Variants in PRELID2 observed in about 807,000 individuals in gnomAD.
The protein encoded by PRELID2 is PRELI domain-containing protein 2.
Under a neutral mutation model 28.4 loss-of-function variants are expected in PRELID2, and 25 were observed. The observed-to-expected ratio is 0.88, with a 90% confidence interval of 0.64 to 1.23. The LOEUF (loss-of-function observed/expected upper bound fraction) is 1.23. Ranked by LOEUF, PRELID2 falls within the 50% of genes most tolerant of loss-of-function variation. The probability of loss-of-function intolerance (pLI) is 0.00; values close to 1 mark genes in which losing one functional copy is unlikely to be tolerated. For missense variants in PRELID2, 201 were observed against 214.4 expected, an observed-to-expected ratio of 0.94 and a Z score of 0.39; for synonymous variants, 76 against 71.6, an observed-to-expected ratio of 1.06 and a Z score of -0.31.
the PRELID2 span, among the ~76,000 whole-genome samples, chr5:145,389,832 G>A: frequency 6.6e-6 from 1 of 152,134 alleles, no homozygotes; most frequent in Non-Finnish European, 1.5e-5. Flanking sequence ...TGCCACAGGG[G>A]TTCACACTTA....
the PRELID2 span, among the ~76,000 whole-genome samples, chr5:145,423,469 A>C: frequency 1.3e-5 from 2 of 151,692 alleles, no homozygotes; most frequent in African/African-American, 2.4e-5. Context: ...TTCCCTTCTC[A>C]CTTCATTTCA....
chr5:145,367,050 C>G, the PRELID2 span, among the ~76,000 whole-genome samples: 1 of 151,840 alleles, frequency 6.6e-6, no homozygotes, highest in Non-Finnish European at 1.5e-5. Context: ...TCCAGTCACA[C>G]AGGATAATTA....
the PRELID2 span, among the ~76,000 whole-genome samples, chr5:145,307,425 G>C: frequency 2.6e-5 from 4 of 152,276 alleles, no homozygotes; most frequent in East Asian, 7.7e-4. Flanking sequence ...GATTACACTT[G>C]TTGAAGACCT....
the PRELID2 span, among the ~76,000 whole-genome samples, chr5:145,419,313 C>T: frequency 7.6e-6 from 1 of 131,376 alleles, no homozygotes; most frequent in African/African-American, 2.8e-5. Context: ...ACACTGACTT[C>T]CACAAGGGTT....
At chr5:145,313,493 C>T in the PRELID2 span, among the ~76,000 whole-genome samples, 36 of 152,244 alleles carry the variant, frequency 2.4e-4, no homozygotes, top group African/African-American at 6.7e-4. Flanking sequence ...TAGAATATGC[C>T]ATTTGGCAAA....
At chr5:145,408,539 T>A in the PRELID2 span, among the ~76,000 whole-genome samples, 1 of 149,104 alleles carries the variant, frequency 6.7e-6, no homozygotes, top group Non-Finnish European at 1.5e-5. Context: ...GAAAAGACAA[T>A]CACAACTTCT....
the PRELID2 span, among the ~76,000 whole-genome samples, chr5:145,253,943 TA>T: frequency 1.3e-5 from 2 of 152,032 alleles, no homozygotes; most frequent in Admixed American, 6.6e-5. Flanking sequence ...CTTAATTTCC[TA>T]AAAAAGAAGA....
chr5:145,775,352 T>C (rs1758347274), intron 5 of PRELID2, among the ~76,000 whole-genome samples: 1 of 152,184 alleles, frequency 6.6e-6, no homozygotes, highest in Admixed American at 6.5e-5. Context: ...TTTCTCAAAT[T>C]ACCAAAAAAT....
At chr5:145,470,040 G>A (rs1218240377), downstream of PRELID2, among the ~76,000 whole-genome samples, 2 of 152,092 alleles carry the variant, frequency 1.3e-5, no homozygotes, top group African/African-American at 4.8e-5. Flanking sequence ...TTAATCACCC[G>A]AAGGGGAAAA....
intron 1 of PRELID2, among the ~76,000 whole-genome samples, chr5:145,720,715 A>C (rs962854471): frequency 2.0e-5 from 3 of 152,042 alleles, no homozygotes; most frequent in Non-Finnish European, 4.4e-5. Flanking sequence ...TTAAGACTAA[A>C]ACAGAAATAG....
At chr5:145,481,485 A>C (rs1375810145) in intron 1 of PRELID2, among the ~76,000 whole-genome samples, 1 of 151,896 alleles carries the variant, frequency 6.6e-6, no homozygotes, top group Non-Finnish European at 1.5e-5. Flanking sequence ...GATCTTGTTT[A>C]TGTAGATAAA....
At chr5:145,412,289 C>G in the PRELID2 span, among the ~76,000 whole-genome samples, 4 of 152,176 alleles carry the variant, frequency 2.6e-5, no homozygotes, top group African/African-American at 9.7e-5. Flanking sequence ...GAACACTTTG[C>G]TGCTTAGGAA....
chr5:145,737,409 C>T (rs546157501), intron 1 of PRELID2, among the ~76,000 whole-genome samples: 1 of 138,214 alleles, frequency 7.2e-6, no homozygotes, highest in South Asian at 2.5e-4. Context: ...AACTAAAATC[C>T]CTGGATGTTA....
the PRELID2 span, among the ~76,000 whole-genome samples, chr5:145,246,599 T>C: frequency 1.3e-5 from 2 of 152,084 alleles, no homozygotes; most frequent in Non-Finnish European, 2.9e-5. Flanking sequence ...AATCTTGTGA[T>C]AAAAGCCTAT....
At chr5:145,567,656 G>A (rs13182746) in intron 1 of PRELID2, among the ~76,000 whole-genome samples, 1,986 of 152,192 alleles carry the variant, frequency 0.013, 25 homozygotes, top group Middle Eastern at 0.078. Context: ...GGGATTACAG[G>A]TGTGAGCCAC....
chr5:145,644,937 A>G (rs546112086), intron 1 of PRELID2, among the ~76,000 whole-genome samples: 1 of 152,284 alleles, frequency 6.6e-6, no homozygotes, highest in East Asian at 1.9e-4. Context: ...ACTTCCAACT[A>G]TGTGGTCAAT....
At chr5:145,675,528 T>A (rs971585460) in intron 1 of PRELID2, among the ~76,000 whole-genome samples, 6 of 152,284 alleles carry the variant, frequency 3.9e-5, no homozygotes, top group Admixed American at 1.3e-4. Flanking sequence ...TAGAAGTCCA[T>A]CCCAATGGCA....
the PRELID2 span, among the ~76,000 whole-genome samples, chr5:145,399,646 C>T: frequency 6.6e-6 from 1 of 152,050 alleles, no homozygotes; most frequent in African/African-American, 2.4e-5. Flanking sequence ...CCTCTCATCC[C>T]CTCATCTCCC....
intron 1 of PRELID2, among the ~76,000 whole-genome samples, chr5:145,738,317 A>G (rs1756554879): frequency 6.6e-6 from 1 of 152,200 alleles, no homozygotes; most frequent in South Asian, 2.1e-4. Context: ...AGAACCAGAA[A>G]GATCTCAACC....
Sources: allele counts gnomAD v4.1 joint callset (sites outside exome capture counted in the v4.1 genomes callset), GRCh38; gene constraint gnomAD v4.1.1; transcripts MANE v1.5; gene names NCBI Gene and HGNC (gene_info 2026-07-23, HGNC 2026-07-21).